TRAF3IP1: variants seen among roughly 807,000 people sequenced by gnomAD.
TRAF3IP1 encodes the protein intraflagellar transport 54.
Under a neutral mutation model 89.9 loss-of-function variants are expected in TRAF3IP1, and 53 were observed. The observed-to-expected ratio is 0.59, with a 90% CI of 0.47 to 0.74. The LOEUF is 0.74. Ranked by LOEUF, TRAF3IP1 falls within the 30% of genes least tolerant of loss-of-function variation. The pLI is 0.00. For synonymous variants in TRAF3IP1, 311 were observed against 322.1 expected (o/e 0.97, Z 0.37); for missense variants, 806 against 866.1 (o/e 0.93, Z 0.87).
Position 238,328,982 on chromosome 2 carries a change from G to A in TRAF3IP1, c.555G>A (p.Lys185=). Residue 185 remains lysine, a synonymous_variant, in exon 5 of 17, where the codon AAG becomes AAA. Transcript: ENST00000373327. ...GTACAAGCAGAGATCGAAAACAGAA[G>A]GAAGAATTGAAAGAAGACCGCAAGC... ...ERSTSRDRKQ[K]EELKEDRKPR... is the part of the protein sequence containing the mutation. 6.4e-7 allele frequency: 1 copy of A among 1,552,342 alleles called. No individual in the cohort carries two copies. Among genetic ancestry groups the A allele is most frequent in the Non-Finnish European group, 8.7e-7 (1 of 1,147,820 alleles).
chr2:238,320,749 G>GA lies in TRAF3IP1; in HGVS notation c.87_88insA (p.Pro30ThrfsTer15). ...CGCTGACCGAGAAGCTGCTGAGCAAGCCCCCGTTCCGCTACCTGCACGACA... is the reference window on the plus strand; with the variant it reads ...CGCTGACCGAGAAGCTGCTGAGCAAGACCCCCGTTCCGCTACCTGCACGACA... On this transcript the variant is annotated frameshift_variant, in exon 1 of 17. Transcript: ENST00000373327. LOFTEE classifies it high-confidence loss of function. 6.9e-7 allele frequency: 1 copy of GA among 1,440,718 alleles called. No homozygotes were observed. The highest frequency in any genetic ancestry group is 2.4e-5 in the Admixed American group (1 of 41,684). The allele number at this position is 1,440,718 out of a possible 1,614,324, so 89.2% of individuals were successfully genotyped here.
At chr2:238,341,747 C>T (rs2106382235) in intron 8 of TRAF3IP1, among the ~76,000 whole-genome samples, 1 of 152,258 alleles carries the variant, frequency 6.6e-6, no homozygotes, top group African/African-American at 2.4e-5. Flanking sequence ...TCTCATTTGA[C>T]TCAGGATGGC....
chr2:238,353,010 T>G (rs886765312), intron 13 of TRAF3IP1, 60 bp downstream of exon 13: 1 of 1,551,480 alleles, frequency 6.4e-7, no homozygotes, highest in South Asian at 1.2e-5. Context: ...TTGAGATTAA[T>G]AGTCTAGCTT....
At chr2:238,326,027 G>T in intron 3 of TRAF3IP1, 57 bp downstream of exon 3, 1 of 1,550,408 alleles carries the variant, frequency 6.4e-7, no homozygotes, top group Non-Finnish European at 8.7e-7. Context: ...AAAAGTAGTC[G>T]GGGGTGAGGG....
At position 238,366,934 on chromosome 2, in the gene TRAF3IP1, C is replaced by T. The variant is rs376600597; in HGVS notation, c.1689+10854C>T. On this transcript the variant is annotated intron_variant, in intron 15 of 16. Coordinates refer to ENST00000373327, the MANE Select transcript of TRAF3IP1 (RefSeq NM_015650.4). ...ATCCCAGCCCTTTGGGAGGCCGAGG[C>T]GGGCAGATCACGAAGTCGGGAGATT... Among the ~76,000 whole-genome samples, 29 of 151,860 alleles carry T rather than the reference C, an allele frequency of 1.9e-4. No homozygotes were observed. In the East Asian group the frequency reaches 4.4e-3, roughly 23 times the overall value.
chr2:238,358,954 TTCAGGCTTTTTG>T (rs1472872443), intron 15 of TRAF3IP1, among the ~76,000 whole-genome samples: 1 of 152,234 alleles, frequency 6.6e-6, no homozygotes, highest in African/African-American at 2.4e-5. Context: ...ATAAAAATAC[TTCAGGCTTTTTG>T]AGCCAGATGG....
intron 3 of TRAF3IP1, 74 bp downstream of exon 3, chr2:238,326,044 A>G (rs1697817038): frequency 3.3e-6 from 5 of 1,496,714 alleles, no homozygotes; most frequent in Admixed American, 4.2e-5. Context: ...AGGGACTCAC[A>G]TGTGCGGGCG....
rs948005996 is a variant in TRAF3IP1, at chr2:238,342,690, A to ATT, written c.1160-1799_1160-1798dup. Among the ~76,000 whole-genome samples the ATT allele has an allele frequency of 2.0e-5, 3 of 151,490 alleles. No individual in the cohort carries two copies. The South Asian group carries it at 6.3e-4, about 32-fold the overall frequency. The stretch of plus-strand genomic sequence containing the variant: ...CCGCCAAACTTATGTTTATTTTTAG[A>ATT]TTTTTTTTTGTTAAGAACTTAATAT... On this transcript the variant is annotated intron_variant, in intron 8 of 16. Coordinates refer to ENST00000373327, the MANE Select transcript of TRAF3IP1 (RefSeq NM_015650.4).
chr2:238,369,794 G>T (rs1165016742), intron 15 of TRAF3IP1, among the ~76,000 whole-genome samples: 1 of 152,086 alleles, frequency 6.6e-6, no homozygotes, highest in African/African-American at 2.4e-5. Flanking sequence ...TTGTACAATC[G>T]AAGTACCCTG....
At chr2:238,372,733 T>C (rs1350332945) in intron 15 of TRAF3IP1, among the ~76,000 whole-genome samples, 1 of 152,250 alleles carries the variant, frequency 6.6e-6, no homozygotes, top group Non-Finnish European at 1.5e-5. Flanking sequence ...GCTGAACTAA[T>C]TTACATTGTC....
Position 238,351,965 on chromosome 2 carries a change from CA to C in TRAF3IP1, c.1452-861del, listed in dbSNP as rs1559371663. ...CGCATGCAGCACTGCGATAACGGGG[CA>C]GGGGGAGTTAGGTGATTGCTTAAAG... On this transcript the variant is annotated intron_variant, in intron 12 of 16. Transcript: ENST00000373327. The surrounding 1 kb of genome is among the most constrained non-coding windows in gnomAD (Gnocchi z 5.2). 6.6e-6 allele frequency among the ~76,000 whole-genome samples: 1 copy of C among 151,248 alleles called. No homozygotes were observed. The highest frequency in any genetic ancestry group is 1.5e-5 in the Non-Finnish European group (1 of 67,896).
chr2:238,344,715 C>T, intron 9 of TRAF3IP1, 117 bp downstream of exon 9: 1 of 839,868 alleles, frequency 1.2e-6, no homozygotes. Context: ...CTGAACGTGG[C>T]AAGTGATTCA....
chr2:238,397,337 C>A, intron 15 of TRAF3IP1, 122 bp from the exon 16 acceptor site: 1 of 787,466 alleles, frequency 1.3e-6, no homozygotes, highest in Non-Finnish European at 2.1e-6. Flanking sequence ...TGTCCCACAA[C>A]CAGCACTGTC....
At chr2:238,341,387 T>C (rs1325594320) in intron 8 of TRAF3IP1, among the ~76,000 whole-genome samples, 1 of 152,066 alleles carries the variant, frequency 6.6e-6, no homozygotes, top group Non-Finnish European at 1.5e-5. Flanking sequence ...ACTTTATCTC[T>C]AAATACTTCG....
Position 238,351,517 on chromosome 2 carries a change from G to A in TRAF3IP1, c.1452-1310G>A, listed in dbSNP as rs1408524307. Among the ~76,000 whole-genome samples, 3 of 152,152 alleles carry A rather than the reference G, an allele frequency of 2.0e-5. No homozygotes were observed. The highest frequency in any genetic ancestry group is 7.2e-5 in the African/African-American group (3 of 41,440). On this transcript the variant is annotated intron_variant, in intron 12 of 16. Coordinates refer to ENST00000373327, the MANE Select transcript of TRAF3IP1 (RefSeq NM_015650.4). The surrounding 1 kb of genome is among the most constrained non-coding windows in gnomAD (Gnocchi z 5.2). ...AAGCTGTGTCCTGGAGAGCAAGGCGGGACAGAGAGGGCCTGCCGATCACGG... is the reference window on the plus strand; with the variant it reads ...AAGCTGTGTCCTGGAGAGCAAGGCGAGACAGAGAGGGCCTGCCGATCACGG...
Position 238,349,646 on chromosome 2 carries a change from T to G in TRAF3IP1, c.1451+238T>G, listed in dbSNP as rs140412941. Among the ~76,000 whole-genome samples, 30 of 152,348 alleles carry G rather than the reference T, an allele frequency of 2.0e-4. No individual in the cohort carries two copies. The East Asian group carries it at 5.8e-3, about 29-fold the overall frequency. ...CATCTTCACATCTATGGGAAAATGT[T>G]GGACTGCATTTCTCTGACCCCTAGA... On this transcript the variant is annotated intron_variant, in intron 12 of 16. Transcript: ENST00000373327.
intron 12 of TRAF3IP1, among the ~76,000 whole-genome samples, chr2:238,350,368 G>A (rs922219755): frequency 3.9e-5 from 6 of 152,160 alleles, no homozygotes; most frequent in Admixed American, 1.3e-4. Context: ...GGGAACGGGC[G>A]CGGAGGTGGA....
Position 238,328,782 on chromosome 2 carries a change from A to G in TRAF3IP1, c.451A>G (p.Asn151Asp), listed in dbSNP as rs766145038. 6.2e-7 allele frequency: 1 copy of G among 1,614,192 alleles called. No individual in the cohort carries two copies. The highest frequency in any genetic ancestry group is 8.5e-7 in the Non-Finnish European group (1 of 1,180,032). ...GACCTCAAGATCTCAGGAATTGGATAATAAGAATGTGCGAGAAGAAGAGTC... is the reference window on the plus strand; with the variant it reads ...GACCTCAAGATCTCAGGAATTGGATGATAAGAATGTGCGAGAAGAAGAGTC... Reference protein sequence around the residue: ...SLTSRSQELDNKNVREEESRV... With the variant: ...SLTSRSQELDDKNVREEESRV... The change falls in exon 4 of 17, where the codon AAT becomes GAT. Residue 151 changes from asparagine (N) to aspartate (D), a missense_variant. Asn to Asp is a conservative substitution (Grantham distance 23). Transcript: ENST00000373327.
intron 12 of TRAF3IP1, 136 bp from the exon 13 acceptor site, chr2:238,352,691 G>C (rs925334279): frequency 1.2e-6 from 1 of 846,144 alleles, no homozygotes; most frequent in African/African-American, 1.7e-5. Flanking sequence ...TAGCTTCAGC[G>C]GGTAGCTTGA....
Sources: gnomAD v4.1 joint callset for allele counts (sites outside exome capture counted in the v4.1 genomes callset) on GRCh38, gnomAD v4.1.1 for gene constraint, Gnocchi (gnomAD v3.1) non-coding constraint, MANE v1.5 for transcripts, NCBI Gene and HGNC (gene_info 2026-07-23, HGNC 2026-07-21) for gene names.